The following FSTL4 variants were observed in gnomAD, a reference collection of about 807,000 sequenced individuals.
FSTL4 encodes the protein follistatin like 4.
In FSTL4, 28 loss-of-function variants were observed where a neutral mutation model predicts 78.2. The ratio of observed to expected loss-of-function variants is 0.36; its 90% CI spans 0.27 to 0.49. The LOEUF is 0.49. FSTL4 is among the 20% of genes least tolerant of loss of function. The pLI is 0.98. For missense variants in FSTL4, 922 were observed against 1,084.9 expected (o/e 0.85, Z 2.11); for synonymous variants, 422 against 440.5 (o/e 0.96, Z 0.53).
chr5:133,726,079 A>T, the FSTL4 span, among the ~76,000 whole-genome samples: 1 of 152,168 alleles, frequency 6.6e-6, no homozygotes, highest in Non-Finnish European at 1.5e-5. Context: ...GATCCTGCTG[A>T]CTATTAGCTG....
chr5:133,801,497 C>T, the FSTL4 span, among the ~76,000 whole-genome samples: 1 of 152,178 alleles, frequency 6.6e-6, no homozygotes, highest in Admixed American at 6.5e-5. Flanking sequence ...TCTGACGCTC[C>T]GTACCACCTC....
At chr5:133,268,294 C>T (rs548261698) in intron 6 of FSTL4, among the ~76,000 whole-genome samples, 2 of 152,316 alleles carry the variant, frequency 1.3e-5, no homozygotes, top group Admixed American at 6.5e-5. Context: ...CAGCACAGAA[C>T]ACTTTGGGTC....
chr5:133,320,424 C>T (rs1754018796), intron 4 of FSTL4, among the ~76,000 whole-genome samples: 1 of 152,120 alleles, frequency 6.6e-6, no homozygotes, highest in South Asian at 2.1e-4. Flanking sequence ...TAAAGGCTCC[C>T]TCCCCTCTTC....
In FSTL4 at chr5:133,236,197, T is replaced by A. The variant is rs1447733527; in HGVS notation, c.895-2660A>T. On this transcript the variant is annotated intron_variant, in intron 7 of 15. Transcript: ENST00000265342. This position sits in a 1 kb window ranked among gnomAD's most constrained non-coding sequence, Gnocchi z 5.0. ...GGCCCTTGAAGCTGGCCTCAGGCTC[T>A]GGCAGGCCCTGCCCTCATCACCACC... Among the ~76,000 whole-genome samples, 1 of 151,494 alleles carries A rather than the reference T, an allele frequency of 6.6e-6. No homozygotes were observed. Among genetic ancestry groups the A allele is most frequent in the African/African-American group, 2.4e-5 (1 of 41,370 alleles).
At chr5:133,726,987 C>G in the FSTL4 span, among the ~76,000 whole-genome samples, 1 of 152,086 alleles carries the variant, frequency 6.6e-6, no homozygotes, top group South Asian at 2.1e-4. Context: ...AAATTGGAGA[C>G]CGTGGCATGT....
chr5:133,531,190 C>T (rs1249819189), intron 3 of FSTL4, among the ~76,000 whole-genome samples: 3 of 152,170 alleles, frequency 2.0e-5, no homozygotes, highest in South Asian at 2.1e-4. Flanking sequence ...ATCTTTCCAT[C>T]GAAATCTTAG....
chr5:133,739,614 T>A, the FSTL4 span, among the ~76,000 whole-genome samples: 1 of 152,164 alleles, frequency 6.6e-6, no homozygotes, highest in Non-Finnish European at 1.5e-5. Context: ...CCCGCCTAAA[T>A]CTTCAAGGGT....
At position 133,361,204 on chromosome 5, in the gene FSTL4, C is replaced by T. The variant is rs1023907411; in HGVS notation, c.409+39534G>A. ...TCTAATAAACTTTTCAAGGAGGGGTCGCATTCCGACCCTGCAGTGCTGGCT... is the reference window on the plus strand; with the variant it reads ...TCTAATAAACTTTTCAAGGAGGGGTTGCATTCCGACCCTGCAGTGCTGGCT... On this transcript the variant is annotated intron_variant, in intron 4 of 15. Coordinates refer to ENST00000265342, the MANE Select transcript of FSTL4 (RefSeq NM_015082.2). This position sits in a 1 kb window ranked among gnomAD's most constrained non-coding sequence, Gnocchi z 4.3. Among the ~76,000 whole-genome samples the T allele has an allele frequency of 6.6e-6, 1 of 152,146 alleles. No individual in the cohort carries two copies. The highest frequency in any genetic ancestry group is 1.5e-5 in the Non-Finnish European group (1 of 68,036).
intron 4 of FSTL4, among the ~76,000 whole-genome samples, chr5:133,341,095 G>A (rs1044702192): frequency 5.9e-5 from 9 of 152,194 alleles, no homozygotes; most frequent in African/African-American, 2.2e-4. Flanking sequence ...AGCAGGGAGA[G>A]ACCAGGCTCT....
chr5:133,578,784 T>A (rs1205630999), intron 2 of FSTL4, among the ~76,000 whole-genome samples: 1 of 152,228 alleles, frequency 6.6e-6, no homozygotes, highest in Non-Finnish European at 1.5e-5. Flanking sequence ...TTACATTTGA[T>A]GAAATAAATG....
At chr5:133,608,104 C>A (rs931783282) in intron 1 of FSTL4, among the ~76,000 whole-genome samples, 1 of 152,194 alleles carries the variant, frequency 6.6e-6, no homozygotes, top group Non-Finnish European at 1.5e-5. Flanking sequence ...AGAATCTCCC[C>A]ATTATAGAAT....
At chr5:133,722,756 A>G in the FSTL4 span, among the ~76,000 whole-genome samples, 6 of 152,186 alleles carry the variant, frequency 3.9e-5, no homozygotes, top group Admixed American at 1.3e-4. Flanking sequence ...TCAGAGGGGA[A>G]GATTTTCATC....
the FSTL4 span, among the ~76,000 whole-genome samples, chr5:133,779,823 G>A: frequency 3.9e-5 from 6 of 152,264 alleles, no homozygotes; most frequent in African/African-American, 1.2e-4. Context: ...TCCTGACTCA[G>A]GGTCTGTCCC....
the FSTL4 span, among the ~76,000 whole-genome samples, chr5:133,816,455 T>A: frequency 6.6e-6 from 1 of 152,114 alleles, no homozygotes; most frequent in Non-Finnish European, 1.5e-5. Context: ...CTCCTAGAGA[T>A]GAAAAGCCCA....
rs781162010 is a variant in FSTL4 at position 133,236,169 on chromosome 5, G to C, written c.895-2632C>G. Among the ~76,000 whole-genome samples, 20 of 151,648 alleles carry C rather than the reference G, an allele frequency of 1.3e-4. No individual in the cohort carries two copies. The highest frequency in any genetic ancestry group is 9.8e-4 in the Admixed American group (15 of 15,242). On this transcript the variant is annotated intron_variant, in intron 7 of 15. Coordinates refer to ENST00000265342, the MANE Select transcript of FSTL4 (RefSeq NM_015082.2). This position sits in a 1 kb window ranked among gnomAD's most constrained non-coding sequence, Gnocchi z 5.0. The stretch of plus-strand genomic sequence containing the variant: ...CTTCACATCCACAGCCCCTTCTCAT[G>C]ATGGCCCTTGAAGCTGGCCTCAGGC...
chr5:133,835,801 A>G, the FSTL4 span, among the ~76,000 whole-genome samples: 94,758 of 152,074 alleles, frequency 0.62, 30,174 homozygotes, highest in Middle Eastern at 0.8. Flanking sequence ...TTAACTTGAA[A>G]AGAAAATTTC....
chr5:133,708,299 C>A, the FSTL4 span, among the ~76,000 whole-genome samples: 3 of 152,156 alleles, frequency 2.0e-5, no homozygotes, highest in South Asian at 6.2e-4. Context: ...TCTGGCTACA[C>A]AGCTTCCAAG....
intron 4 of FSTL4, among the ~76,000 whole-genome samples, chr5:133,397,769 T>C (rs1018933437): frequency 6.6e-5 from 10 of 152,222 alleles, no homozygotes; most frequent in South Asian, 2.1e-4. Flanking sequence ...CTTGTCCTAA[T>C]ATTGATTTCT....
chr5:133,728,826 G>A, the FSTL4 span, among the ~76,000 whole-genome samples: 1 of 151,816 alleles, frequency 6.6e-6, no homozygotes, highest in Non-Finnish European at 1.5e-5. Context: ...GAGAAGGAAG[G>A]GAGGGTGGGG....
Sources: gnomAD v4.1 joint callset for allele counts (sites outside exome capture counted in the v4.1 genomes callset) on GRCh38, gnomAD v4.1.1 for gene constraint, Gnocchi (gnomAD v3.1) non-coding constraint, MANE v1.5 for transcripts, NCBI Gene and HGNC (gene_info 2026-07-23, HGNC 2026-07-21) for gene names.